The following PACS1 variants were observed in gnomAD, a reference collection of about 807,000 sequenced individuals.
The protein encoded by PACS1 is PACS-1.
Under a neutral mutation model 115.0 loss-of-function variants are expected in PACS1, and 24 were observed. The observed-to-expected ratio is 0.21, with a 90% CI of 0.15 to 0.29. PACS1 has a LOEUF of 0.29. Among genes scored for constraint, PACS1 ranks in the 10% least tolerant of loss-of-function variants. PACS1 has a pLI of 1.00. For missense variants in PACS1, 838 were observed against 1,251.2 expected (o/e 0.67, Z 4.98); for synonymous variants, 453 against 504.5 (o/e 0.90, Z 1.37).
At chr11:66,216,444 T>C in intron 5 of PACS1, 76 bp from the exon 6 acceptor site, 3 of 1,467,948 alleles carry the variant, frequency 2.0e-6, no homozygotes, top group Middle Eastern at 1.7e-4. Flanking sequence ...AAGAGAACCA[T>C]TGATTCCAGC....
intron 1 of PACS1, among the ~76,000 whole-genome samples, chr11:66,191,301 G>C (rs1360150858): frequency 1.3e-5 from 2 of 152,138 alleles, no homozygotes; most frequent in Non-Finnish European, 2.9e-5. Context: ...GGTCCACCCA[G>C]ATAATCCAGG....
intron 1 of PACS1, among the ~76,000 whole-genome samples, chr11:66,134,248 C>CTT (rs1554980598): frequency 2.3e-5 from 2 of 86,544 alleles, no homozygotes; most frequent in Admixed American, 1.5e-4. Flanking sequence ...TTTTCTTTTT[C>CTT]TTTTTCTTTT....
chr11:66,118,668 T>C (rs1338583151), intron 1 of PACS1, among the ~76,000 whole-genome samples: 1 of 147,586 alleles, frequency 6.8e-6, no homozygotes, highest in Non-Finnish European at 1.5e-5. Flanking sequence ...AGCTCACGCC[T>C]GTAATCCCAG....
rs1046926748 is a variant in PACS1, at chr11:66,200,167, T to C, written c.444+6594T>C. On this transcript the variant is annotated intron_variant, in intron 2 of 23. Coordinates refer to ENST00000320580, the MANE Select transcript of PACS1 (RefSeq NM_018026.4). Reference sequence around the variant, plus strand: ...GGGTTTGAGACCAGCTTGGGCAACATAGTAGGACCTTGGGTCTACAAATAA... The same window carrying C: ...GGGTTTGAGACCAGCTTGGGCAACACAGTAGGACCTTGGGTCTACAAATAA... Among the ~76,000 whole-genome samples the C allele has an allele frequency of 3.3e-5, 5 of 151,964 alleles. No individual in the cohort carries two copies. In the East Asian group the frequency reaches 9.7e-4, roughly 29 times the overall value.
At chr11:66,222,811 T>C (rs544351211) in intron 10 of PACS1, among the ~76,000 whole-genome samples, 69 of 152,034 alleles carry the variant, frequency 4.5e-4, no homozygotes, top group Non-Finnish European at 8.4e-4. Flanking sequence ...CCACCTTCTC[T>C]TGGGGCATCC....
rs149787979 is a variant in PACS1 at position 66,232,839 on chromosome 11, G to A, written c.1732-121G>A. On this transcript the variant is annotated intron_variant, in intron 14 of 23. Transcript: ENST00000320580. The stretch of plus-strand genomic sequence containing the variant: ...GACCTGGCTGCCTTTGCCCAGCTTC[G>A]GTCTGAACTGCAGAGGACAGGGGCC... 5.7e-5 allele frequency: 42 copies of A among 740,218 alleles called. No individual in the cohort carries two copies. The African/African-American group carries it at 6.7e-4, about 12-fold the overall frequency. The allele number at this position is 740,218 out of a possible 1,614,324, so 45.9% of individuals were successfully genotyped here.
intron 2 of PACS1, among the ~76,000 whole-genome samples, chr11:66,204,699 T>C (rs532509): frequency 0.94 from 142,546 of 152,192 alleles, 67,431 homozygotes; most frequent in East Asian, 1. Context: ...ATAAGCCAGG[T>C]ACAGAAAGAC....
At chr11:66,172,453 G>A (rs1859761631) in intron 1 of PACS1, among the ~76,000 whole-genome samples, 1 of 152,162 alleles carries the variant, frequency 6.6e-6, no homozygotes, top group South Asian at 2.1e-4. Flanking sequence ...CATGTCATGA[G>A]GTTATCAAGC....
intron 10 of PACS1, among the ~76,000 whole-genome samples, chr11:66,222,939 CCAAA>C (rs1422836514): frequency 2.6e-5 from 4 of 151,770 alleles, no homozygotes; most frequent in Admixed American, 6.6e-5. Flanking sequence ...AAACTGCAGC[CCAAA>C]CAGACTCCTC....
chr11:66,243,146 C>T lies in PACS1; in HGVS notation c.2777-19C>T, dbSNP rs1184475050. 4.3e-6 allele frequency: 7 copies of T among 1,612,544 alleles called. No individual in the cohort carries two copies. The South Asian group carries it at 6.6e-5, about 15-fold the overall frequency. On this transcript the variant is annotated intron_variant, in intron 23 of 23. Coordinates refer to ENST00000320580, the MANE Select transcript of PACS1 (RefSeq NM_018026.4). ...TGGCCTGAGCAGTCTGGTCACCCCT[C>T]CTCTCCTGTCACCCCTAGTGTCCAT...
At chr11:66,175,709 G>A (rs1183890111) in intron 1 of PACS1, among the ~76,000 whole-genome samples, 1 of 152,158 alleles carries the variant, frequency 6.6e-6, no homozygotes, top group African/African-American at 2.4e-5. Flanking sequence ...CCAGGGTGGT[G>A]TCACCTTCTC....
chr11:66,207,976 C>T (rs1854981828), intron 2 of PACS1, among the ~76,000 whole-genome samples: 1 of 152,128 alleles, frequency 6.6e-6, no homozygotes, highest in Non-Finnish European at 1.5e-5. Context: ...CCAGTGTTGC[C>T]CAGGCTGGTC....
chr11:66,212,620 A>G (rs757884468), intron 4 of PACS1, among the ~76,000 whole-genome samples: 130 of 151,918 alleles, frequency 8.6e-4, no homozygotes, highest in Non-Finnish European at 2.5e-4. Flanking sequence ...TTCCACCACA[A>G]AGTTAATTAA....
intron 1 of PACS1, among the ~76,000 whole-genome samples, chr11:66,120,664 T>A (rs1280529189): frequency 6.6e-6 from 1 of 152,246 alleles, no homozygotes; most frequent in African/African-American, 2.4e-5. Flanking sequence ...ACTTACTAGC[T>A]GTGTATGATC....
Position 66,236,824 on chromosome 11 carries a change from C to T in PACS1, c.2250+884C>T, listed in dbSNP as rs1855714965. ...TTGCCCATGCTGGAGTGCAATGGCA[C>T]AATCTCAGCTCACTGCAACCTCTGC... On this transcript the variant is annotated intron_variant, in intron 19 of 23. Transcript: ENST00000320580. This position sits in a 1 kb window ranked among gnomAD's most constrained non-coding sequence, Gnocchi z 4.2. 6.6e-6 allele frequency among the ~76,000 whole-genome samples: 1 copy of T among 152,004 alleles called. No individual in the cohort carries two copies. Among genetic ancestry groups the T allele is most frequent in the African/African-American group, 2.4e-5 (1 of 41,348 alleles).
intron 1 of PACS1, among the ~76,000 whole-genome samples, chr11:66,096,083 C>T (rs1857772991): frequency 6.6e-6 from 1 of 151,900 alleles, no homozygotes; most frequent in South Asian, 2.1e-4. Flanking sequence ...TACAGGCATG[C>T]ACTACCATGC....
At position 66,233,820 on chromosome 11, in the gene PACS1, A is replaced by G; in HGVS notation, c.1874A>G (p.Lys625Arg). The change falls in exon 16 of 24, where the codon AAG becomes AGG. Residue 625 changes from lysine (K) to arginine (R), a missense_variant. Lys to Arg is a conservative substitution (Grantham distance 26). Coordinates refer to ENST00000320580, the MANE Select transcript of PACS1 (RefSeq NM_018026.4). The surrounding 1 kb of genome is among the most constrained non-coding windows in gnomAD (Gnocchi z 4.5). ...NCNSSMPRPV[K>R]VAAVGGQSYL... ...AACTCTTCCATGCCGAGGCCAGTGA[A>G]GGTGGCTGCTGTGGGAGGCCAGAGC... is the stretch of plus-strand genomic sequence containing the variant. 6.2e-7 allele frequency: 1 copy of G among 1,613,918 alleles called. No individual in the cohort carries two copies. The highest frequency in any genetic ancestry group is 8.5e-7 in the Non-Finnish European group (1 of 1,179,886).
At chr11:66,075,197 C>A (rs548937196) in intron 1 of PACS1, among the ~76,000 whole-genome samples, 1 of 152,046 alleles carries the variant, frequency 6.6e-6, no homozygotes, top group Non-Finnish European at 1.5e-5. Flanking sequence ...CCCGCCTTGG[C>A]CTTCCAAAGT....
At position 66,242,999 on chromosome 11, in the gene PACS1, G is replaced by C; in HGVS notation, c.2744G>C (p.Cys915Ser). The stretch of plus-strand genomic sequence containing the variant: ...ATTGAAGGCATCAGCCGCCTCATCT[G>C]CTCAGCCAAGCAGCAGCAGACTATG... The part of the protein sequence containing the change: ...QVIEGISRLI[C>S]SAKQQQTMLR... The change falls in exon 23 of 24, where the codon TGC (cysteine) becomes TCC (serine). Residue 915 changes from cysteine to serine, a missense_variant. Coordinates refer to ENST00000320580, the MANE Select transcript of PACS1 (RefSeq NM_018026.4). 1 of 1,613,970 alleles carries C rather than the reference G, an allele frequency of 6.2e-7. No individual in the cohort carries two copies. Among genetic ancestry groups the C allele is most frequent in the Non-Finnish European group, 8.5e-7 (1 of 1,179,940 alleles).
Sources: allele counts gnomAD v4.1 joint callset (sites outside exome capture counted in the v4.1 genomes callset), GRCh38; gene constraint gnomAD v4.1.1; non-coding constraint Gnocchi (gnomAD v3.1); transcripts MANE v1.5; gene names NCBI Gene and HGNC (gene_info 2026-07-23, HGNC 2026-07-21).